Variants in BMP3 observed in about 807,000 individuals in gnomAD.
The protein encoded by BMP3 is bone morphogenetic protein 3, also known as bone morphogenetic protein 3 (osteogenic).
In BMP3, 23 loss-of-function variants were observed where a neutral mutation model predicts 38.1. The observed-to-expected ratio is 0.60, with a 90% CI of 0.43 to 0.86. The LOEUF is 0.86. BMP3 is among the 40% of genes least tolerant of loss of function. The pLI, the probability that BMP3 is intolerant of heterozygous loss-of-function variation, is 0.00. For synonymous variants in BMP3, 258 were observed against 225.7 expected (o/e 1.14, Z -1.28); for missense variants, 628 against 579.6 (o/e 1.08, Z -0.86).
intron 1 of BMP3, among the ~76,000 whole-genome samples, chr4:81,042,920 T>C (rs1249936941): frequency 6.6e-6 from 1 of 152,216 alleles, no homozygotes; most frequent in Non-Finnish European, 1.5e-5. Flanking sequence ...CCTGATGCCA[T>C]GGCTTTGTTA....
At chr4:81,050,268 A>T (rs576322327) in intron 2 of BMP3, among the ~76,000 whole-genome samples, 2 of 152,254 alleles carry the variant, frequency 1.3e-5, no homozygotes, top group African/African-American at 4.8e-5. Context: ...TGCAGGCCTG[A>T]CCATTGTAGA....
chr4:81,049,087 T>C (rs1467796795), intron 2 of BMP3, among the ~76,000 whole-genome samples: 1 of 152,210 alleles, frequency 6.6e-6, no homozygotes, highest in Non-Finnish European at 1.5e-5. Flanking sequence ...TAATAGTTTC[T>C]ATATAACAAA....
In BMP3 at chr4:81,031,139, C is replaced by T; in HGVS notation, c.-146C>T. On this transcript the variant is annotated 5_prime_UTR_variant, in exon 1 of 3. Coordinates refer to ENST00000282701, the MANE Select transcript of BMP3 (RefSeq NM_001201.5). Reference sequence around the variant, plus strand: ...CAGCAAGTGGGGCTGGCCGCTATCTCGCTGCACCCGGCCGCGTCCCGGGCT... The same window carrying T: ...CAGCAAGTGGGGCTGGCCGCTATCTTGCTGCACCCGGCCGCGTCCCGGGCT... The T allele has an allele frequency of 1.2e-6, 1 of 853,036 alleles. No homozygotes were observed. Among genetic ancestry groups the T allele is most frequent in the Non-Finnish European group, 1.7e-6 (1 of 571,442 alleles). 52.8% of individuals were successfully genotyped at this position (853,036 alleles called of 1,614,324 possible).
At chr4:81,049,748 C>T (rs1740359848) in intron 2 of BMP3, among the ~76,000 whole-genome samples, 1 of 152,128 alleles carries the variant, frequency 6.6e-6, no homozygotes, top group African/African-American at 2.4e-5. Context: ...GTTATCTGCA[C>T]CGTGTCCAAT....
At chr4:81,050,549 A>G (rs1740376959) in intron 2 of BMP3, among the ~76,000 whole-genome samples, 1 of 152,122 alleles carries the variant, frequency 6.6e-6, no homozygotes, top group Non-Finnish European at 1.5e-5. Flanking sequence ...TGCAAAAGCT[A>G]TAAATAGCAA....
rs752059197 is a variant in BMP3, at chr4:81,046,038, T to G, written c.617T>G (p.Leu206Trp). Residue 206 changes from leucine to tryptophan, a missense_variant, in exon 2 of 3, where the codon TTG becomes TGG. Coordinates refer to ENST00000282701, the MANE Select transcript of BMP3 (RefSeq NM_001201.5). ...SWLSKDITQL[L>W]RKAKENEEFL... Reference sequence around the variant, plus strand: ...CTGTCTAAAGATATCACTCAACTCTTGAGGAAGGCCAAAGAAAATGAAGAG... The same window carrying G: ...CTGTCTAAAGATATCACTCAACTCTGGAGGAAGGCCAAAGAAAATGAAGAG... 2.0e-5 allele frequency: 32 copies of G among 1,614,062 alleles called. No homozygotes were observed. The highest frequency in any genetic ancestry group is 2.5e-5 in the Non-Finnish European group (30 of 1,180,028).
intron 1 of BMP3, among the ~76,000 whole-genome samples, chr4:81,040,747 T>A (rs1740049761): frequency 6.6e-6 from 1 of 152,214 alleles, no homozygotes; most frequent in African/African-American, 2.4e-5. Flanking sequence ...AAATGAGGCA[T>A]GCAATTCCAG....
intron 1 of BMP3, among the ~76,000 whole-genome samples, chr4:81,043,590 A>T (rs201964369): frequency 1.1e-4 from 14 of 130,756 alleles, no homozygotes; most frequent in East Asian, 2.2e-4. Flanking sequence ...GCATACTACA[A>T]TTTTTTTTTT....
rs1437870358 is a variant in BMP3 at position 81,046,383 on chromosome 4, A to G, written c.962A>G (p.Tyr321Cys). Residue 321 changes from tyrosine (Y) to cysteine (C), a missense_variant, in exon 2 of 3, where the codon TAC (tyrosine) becomes TGC (cysteine). By Grantham distance (194) the Tyr-to-Cys change is radical (BLOSUM62 -2). Transcript: ENST00000282701. ...KDEVWEERKP[Y>C]KTLQAQAPEK... ...GAGGTGTGGGAGGAGAGAAAGCCTTACAAGACCCTTCAGGCTCAGGCCCCT... is the reference window on the plus strand; with the variant it reads ...GAGGTGTGGGAGGAGAGAAAGCCTTGCAAGACCCTTCAGGCTCAGGCCCCT... 2 of 1,614,032 alleles carry G rather than the reference A, an allele frequency of 1.2e-6. No homozygotes were observed. Among genetic ancestry groups the G allele is most frequent in the Admixed American group, 1.7e-5 (1 of 59,970 alleles).
Position 81,045,858 on chromosome 4 carries a change from G to A in BMP3, c.437G>A (p.Cys146Tyr). Reference protein sequence around the residue: ...IGELGNISLSCPVSGGCSHHA... With the variant: ...IGELGNISLSYPVSGGCSHHA... Reference sequence around the variant, plus strand: ...GAGCTAGGAAACATCAGCCTGAGTTGTCCAGTGTCTGGAGGATGCTCCCAT... The same window carrying A: ...GAGCTAGGAAACATCAGCCTGAGTTATCCAGTGTCTGGAGGATGCTCCCAT... Residue 146 changes from cysteine to tyrosine, a missense_variant, in exon 2 of 3, where the codon TGT becomes TAT. Physicochemically the swap from Cys to Tyr is radical, Grantham distance 194 (BLOSUM62 -2). Coordinates refer to ENST00000282701, the MANE Select transcript of BMP3 (RefSeq NM_001201.5). 6.2e-7 allele frequency: 1 copy of A among 1,614,094 alleles called. No homozygotes were observed. The highest frequency in any genetic ancestry group is 8.5e-7 in the Non-Finnish European group (1 of 1,180,006).
intron 1 of BMP3, among the ~76,000 whole-genome samples, chr4:81,040,238 A>G (rs781422278): frequency 2.6e-5 from 4 of 152,200 alleles, no homozygotes; most frequent in Non-Finnish European, 4.4e-5. Flanking sequence ...AGAAAATAGC[A>G]CCACCTATTG....
Position 81,045,987 on chromosome 4 carries a change from A to C in BMP3, c.566A>C (p.Lys189Thr), listed in dbSNP as rs1380186760. 6.2e-7 allele frequency: 1 copy of C among 1,614,016 alleles called. No homozygotes were observed. Among genetic ancestry groups the C allele is most frequent in the Non-Finnish European group, 8.5e-7 (1 of 1,180,020 alleles). ...LLGHLSVDMA[K>T]SHRDIMSWLS... is the part of the protein sequence containing the mutation. ...GGCCATCTGTCAGTGGATATGGCCA[A>C]ATCTCATCGAGATATTATGTCCTGG... is the stretch of plus-strand genomic sequence containing the variant. The change falls in exon 2 of 3, where the codon AAA becomes ACA. Residue 189 changes from lysine to threonine, a missense_variant. Coordinates refer to ENST00000282701, the MANE Select transcript of BMP3 (RefSeq NM_001201.5).
intron 1 of BMP3, among the ~76,000 whole-genome samples, chr4:81,045,015 AC>A (rs1740192110): frequency 6.6e-6 from 1 of 152,196 alleles, no homozygotes; most frequent in Admixed American, 6.5e-5. Flanking sequence ...TCTATGTTTA[AC>A]TTTTTGAGGA....
chr4:81,037,589 T>C (rs1739956095), intron 1 of BMP3, among the ~76,000 whole-genome samples: 1 of 152,280 alleles, frequency 6.6e-6, no homozygotes, highest in Admixed American at 6.5e-5. Flanking sequence ...TGAAGTCCTA[T>C]ATAAATTAGG....
chr4:81,031,296 G>C lies in BMP3; in HGVS notation c.12G>C (p.Ala4=), dbSNP rs1219714407. The C allele has an allele frequency of 1.9e-6, 3 of 1,604,310 alleles. No homozygotes were observed. In the East Asian group the frequency reaches 6.7e-5, roughly 36 times the overall value. Residue 4 remains alanine, a synonymous_variant, in exon 1 of 3, where the codon GCG becomes GCC. Transcript: ENST00000282701. ...GCGGGTACCTAGCCATGGCTGGGGC[G>C]AGCAGGCTGCTCTTTCTGTGGCTGG... is the stretch of plus-strand genomic sequence containing the variant. The part of the protein sequence containing the change: MAG[A]SRLLFLWLGC...
chr4:81,045,791 T>A lies in BMP3; in HGVS notation c.370T>A (p.Ser124Thr). Residue 124 changes from serine to threonine, a missense_variant, in exon 2 of 3, where the codon TCT becomes ACT. By Grantham distance (58) the Ser-to-Thr change is moderately conservative (BLOSUM62 1). Transcript: ENST00000282701. The part of the protein sequence containing the change: ...YIFNLTSLTK[S>T]ENILSATLYF... The stretch of plus-strand genomic sequence containing the variant: ...CTTCAATCTGACATCGCTAACCAAG[T>A]CTGAAAACATTTTGTCTGCCACACT... 1 of 1,613,442 alleles carries A rather than the reference T, an allele frequency of 6.2e-7. No individual in the cohort carries two copies. The highest frequency in any genetic ancestry group is 8.5e-7 in the Non-Finnish European group (1 of 1,179,796).
At chr4:81,031,706 G>T in intron 1 of BMP3, 106 bp downstream of exon 1, 3 of 1,344,530 alleles carry the variant, frequency 2.2e-6, no homozygotes, top group South Asian at 3.0e-5. Flanking sequence ...GCTGCCTAGG[G>T]ACCTTTCTCC....
chr4:81,052,616 C>G (rs984529428), intron 2 of BMP3, among the ~76,000 whole-genome samples: 1 of 152,262 alleles, frequency 6.6e-6, no homozygotes, highest in Non-Finnish European at 1.5e-5. Context: ...TCTTAGAACA[C>G]AACTCCATGC....
At chr4:81,033,847 T>C (rs6851374) in intron 1 of BMP3, among the ~76,000 whole-genome samples, 6,925 of 152,234 alleles carry the variant, frequency 0.045, 483 homozygotes, top group African/African-American at 0.15. Context: ...TAAATTAATA[T>C]AGTAGATATG....
Sources: gnomAD v4.1 joint callset for allele counts (sites outside exome capture counted in the v4.1 genomes callset) on GRCh38, gnomAD v4.1.1 for gene constraint, MANE v1.5 for transcripts, NCBI Gene and HGNC (gene_info 2026-07-23, HGNC 2026-07-21) for gene names.